The following MAP1A variants were observed in gnomAD, a reference collection of about 807,000 sequenced individuals.
MAP1A encodes the protein microtubule associated protein 1A.
Under a neutral mutation model 185.9 loss-of-function variants are expected in MAP1A, and 42 were observed. That is an observed-to-expected ratio of 0.23 (90% CI 0.18 to 0.29). The LOEUF is 0.29. Among genes scored for constraint, MAP1A ranks in the 10% least tolerant of loss-of-function variants. The pLI is 1.00. For missense variants in MAP1A, 2,995 were observed against 3,450.4 expected, an observed-to-expected ratio of 0.87 and a Z score of 3.31; for synonymous variants, 1,229 against 1,335.9, an observed-to-expected ratio of 0.92 and a Z score of 1.74.
rs1253978465 is a variant in MAP1A at position 43,525,929 on chromosome 15, G to C, written c.4456G>C (p.Glu1486Gln). ...CTTGGAACAAAAGGACAGGGTCCTA[G>C]AACAGAAGGAGAAGATCCCAGAAGA... The part of the protein sequence containing the change: ...KDLEQKDRVL[E>Q]QKEKIPEEKD... The change falls in exon 4 of 6, where the codon GAA (glutamate) becomes CAA (glutamine). Residue 1486 changes from glutamate to glutamine, a missense_variant. Glu to Gln is a conservative substitution (Grantham distance 29, BLOSUM62 2). Coordinates refer to ENST00000300231, the MANE Select transcript of MAP1A (RefSeq NM_002373.6). 6.2e-7 allele frequency: 1 copy of C among 1,613,864 alleles called. No individual in the cohort carries two copies. The highest frequency in any genetic ancestry group is 1.3e-5 in the African/African-American group (1 of 74,932).
In MAP1A at chr15:43,527,325, C is replaced by T. The variant is rs768903001; in HGVS notation, c.5852C>T (p.Pro1951Leu). 2.0e-5 allele frequency: 33 copies of T among 1,613,918 alleles called. No homozygotes were observed. The East Asian group carries it at 5.6e-4, about 27-fold the overall frequency. ...ACCACGGAGCCTGAGCAGACTGAGCCGGAGCAGAGAGAGCCCACACCCTAT... is the reference window on the plus strand; with the variant it reads ...ACCACGGAGCCTGAGCAGACTGAGCTGGAGCAGAGAGAGCCCACACCCTAT... The part of the protein sequence containing the change: ...HATTEPEQTE[P>L]EQREPTPYPD... Residue 1951 changes from proline to leucine, a missense_variant, in exon 4 of 6, where the codon CCG (proline) becomes CTG (leucine). Physicochemically the swap from Pro to Leu is moderately conservative, Grantham distance 98. Transcript: ENST00000300231.
At position 43,524,478 on chromosome 15, in the gene MAP1A, C is replaced by T. The variant is rs1326398963; in HGVS notation, c.3005C>T (p.Pro1002Leu). The T allele has an allele frequency of 6.2e-7, 1 of 1,614,156 alleles. No individual in the cohort carries two copies. Among genetic ancestry groups the T allele is most frequent in the South Asian group, 1.1e-5 (1 of 91,084 alleles). Residue 1002 changes from proline (P) to leucine (L), a missense_variant, in exon 4 of 6, where the codon CCA becomes CTA. Physicochemically the swap from Pro to Leu is moderately conservative, Grantham distance 98 (BLOSUM62 -3). This residue lies in a region of MAP1A where 2,728 missense variants were observed against 2,986.0 expected (regional missense o/e 0.91). Transcript: ENST00000300231. ...ATGGCTTCTCCTCCACCATCTGGCCCACCCAGTGCCACCCACACACCCTTT... is the reference window on the plus strand; with the variant it reads ...ATGGCTTCTCCTCCACCATCTGGCCTACCCAGTGCCACCCACACACCCTTT... ...VKMASPPPSG[P>L]PSATHTPFHQ...
At chr15:43,512,100 C>G in intron 1 of MAP1A, 1 of 748,550 alleles carries the variant, frequency 1.3e-6, no homozygotes, top group Non-Finnish European at 2.4e-6. Flanking sequence ...CCTCTCCTTA[C>G]CTGTTCTGTG....
rs188889809 is a variant in MAP1A at position 43,521,379 on chromosome 15, C to G, written c.-95C>G. The G allele has an allele frequency of 9.8e-4, 1,575 of 1,613,746 alleles. No homozygotes were observed. Among genetic ancestry groups the G allele is most frequent in the Admixed American group, 1.4e-3 (86 of 60,022 alleles). Reference sequence around the variant, plus strand: ...GGGATACAGGCCTTCCTTACCGTGTCCTGCTTAGGGGAAGGTGATTGGAGC... The same window carrying G: ...GGGATACAGGCCTTCCTTACCGTGTGCTGCTTAGGGGAAGGTGATTGGAGC... On this transcript the variant is annotated 5_prime_UTR_variant, in exon 4 of 6. Coordinates refer to ENST00000300231, the MANE Select transcript of MAP1A (RefSeq NM_002373.6). This position sits in a 1 kb window ranked among gnomAD's most constrained non-coding sequence, Gnocchi z 4.6.
Position 43,521,288 on chromosome 15 carries a change from G to C in MAP1A, c.-150-36G>C. ...TCTAAGTCAGACCAAAACAACTCTA[G>C]TGACCTGATCAGGTTTCTATCTCCT... On this transcript the variant is annotated intron_variant, in intron 3 of 5. Coordinates refer to ENST00000300231, the MANE Select transcript of MAP1A (RefSeq NM_002373.6). The surrounding 1 kb of genome is among the most constrained non-coding windows in gnomAD (Gnocchi z 4.6). 6.5e-7 allele frequency: 1 copy of C among 1,545,754 alleles called. No individual in the cohort carries two copies. The highest frequency in any genetic ancestry group is 8.7e-7 in the Non-Finnish European group (1 of 1,148,256).
chr15:43,521,242 G>A lies in MAP1A; in HGVS notation c.-150-82G>A. On this transcript the variant is annotated intron_variant, in intron 3 of 5. Transcript: ENST00000300231. This position sits in a 1 kb window ranked among gnomAD's most constrained non-coding sequence, Gnocchi z 4.6. The stretch of plus-strand genomic sequence containing the variant: ...AAGGTAAGAGTCCACCTTGGAAAGA[G>A]GTGAAGATTAGGGTACTGAATCTAA... The A allele has an allele frequency of 2.0e-6, 3 of 1,482,130 alleles. No individual in the cohort carries two copies. Among genetic ancestry groups the A allele is most frequent in the Non-Finnish European group, 1.8e-6 (2 of 1,120,620 alleles). 91.8% of individuals were successfully genotyped at this position (1,482,130 alleles called of 1,614,324 possible).
rs1245149939 is a variant in MAP1A, at chr15:43,523,610, A to C, written c.2137A>C (p.Lys713Gln). The change falls in exon 4 of 6, where the codon AAG (lysine) becomes CAG (glutamine). Residue 713 changes from lysine (K) to glutamine (Q), a missense_variant. Lys to Gln is a moderately conservative substitution (Grantham distance 53, BLOSUM62 1). Around this residue, in one of 3 missense-constraint regions of MAP1A, gnomAD observed 2,728 missense variants for 2,986.0 expected, o/e 0.91. Coordinates refer to ENST00000300231, the MANE Select transcript of MAP1A (RefSeq NM_002373.6). ...ELGLQGKAPE[K>Q]ETSLFLSSLT... is the part of the protein sequence containing the mutation. Reference sequence around the variant, plus strand: ...GGGACTCCAGGGCAAGGCCCCTGAGAAGGAGACCTCGTTATTCCTAAGCAG... The same window carrying C: ...GGGACTCCAGGGCAAGGCCCCTGAGCAGGAGACCTCGTTATTCCTAAGCAG... 7 of 1,614,148 alleles carry C rather than the reference A, an allele frequency of 4.3e-6. No homozygotes were observed. In the South Asian group the frequency reaches 7.7e-5, roughly 18 times the overall value.
chr15:43,527,961 T>C lies in MAP1A; in HGVS notation c.6488T>C (p.Phe2163Ser). The change falls in exon 4 of 6, where the codon TTC becomes TCC. Residue 2163 changes from phenylalanine (F) to serine (S), a missense_variant. This residue lies in a region of MAP1A where 2,728 missense variants were observed against 2,986.0 expected (regional missense o/e 0.91). Coordinates refer to ENST00000300231, the MANE Select transcript of MAP1A (RefSeq NM_002373.6). ...GGGCCTGCCCGACCCAGTCTGGACT[T>C]CCCTGCTTCAGCCTTTGGCTTCTCC... ...HLGPARPSLD[F>S]PASAFGFSSL... is the part of the protein sequence containing the mutation. The C allele has an allele frequency of 6.2e-7, 1 of 1,614,074 alleles. No individual in the cohort carries two copies. Among genetic ancestry groups the C allele is most frequent in the Non-Finnish European group, 8.5e-7 (1 of 1,180,028 alleles).
At position 43,529,701 on chromosome 15, in the gene MAP1A, C is replaced by T; in HGVS notation, c.8087C>T (p.Ala2696Val). 1 of 1,613,796 alleles carries T rather than the reference C, an allele frequency of 6.2e-7. No individual in the cohort carries two copies. Among genetic ancestry groups the T allele is most frequent in the South Asian group, 1.1e-5 (1 of 91,058 alleles). The change falls in exon 5 of 6, where the codon GCC becomes GTC. Residue 2696 changes from alanine to valine, a missense_variant. Around this residue, in one of 3 missense-constraint regions of MAP1A, gnomAD observed 2,728 missense variants for 2,986.0 expected, o/e 0.91. Coordinates refer to ENST00000300231, the MANE Select transcript of MAP1A (RefSeq NM_002373.6). The surrounding 1 kb of genome is among the most constrained non-coding windows in gnomAD (Gnocchi z 4.3). ...GGTGCCCCTGTATATGTGGATCTCG[C>T]CTACATCCCGAATCATTGCAGTGGC... ...SSGAPVYVDL[A>V]YIPNHCSGKT... is the part of the protein sequence containing the mutation.
Position 43,526,396 on chromosome 15 carries a change from G to C in MAP1A, c.4923G>C (p.Trp1641Cys). The C allele has an allele frequency of 1.2e-6, 2 of 1,614,212 alleles. No homozygotes were observed. Among genetic ancestry groups the C allele is most frequent in the Non-Finnish European group, 1.7e-6 (2 of 1,180,034 alleles). ...CCAGAGAGCAGGAAGAAAAGTACTG[G>C]AGGGGGCAGGATGTGGTCCAGGAGT... ...GRAREQEEKY[W>C]RGQDVVQEWQ... Residue 1641 changes from tryptophan (W) to cysteine (C), a missense_variant, in exon 4 of 6, where the codon TGG becomes TGC. By Grantham distance (215) the Trp-to-Cys change is radical. Coordinates refer to ENST00000300231, the MANE Select transcript of MAP1A (RefSeq NM_002373.6). This position sits in a 1 kb window ranked among gnomAD's most constrained non-coding sequence, Gnocchi z 4.7.
intron 1 of MAP1A, among the ~76,000 whole-genome samples, chr15:43,518,134 T>C (rs1470226336): frequency 6.6e-6 from 1 of 152,090 alleles, no homozygotes; most frequent in African/African-American, 2.4e-5. Context: ...GCTGCTCCTA[T>C]GCTGGGGGTG....
rs2079371306 is a variant in MAP1A, at chr15:43,531,475, G to A, written c.*1251G>A. The A allele has an allele frequency of 6.5e-6, 1 of 152,690 alleles. No homozygotes were observed. Among genetic ancestry groups the A allele is most frequent in the African/African-American group, 2.4e-5 (1 of 41,420 alleles). 9.5% of individuals were successfully genotyped at this position (152,690 alleles called of 1,614,324 possible). On this transcript the variant is annotated 3_prime_UTR_variant, in exon 6 of 6. Transcript: ENST00000300231. ...TGCCAAACGACTGGGAAACCAAAATGAGCCCACCTTGTGTTCTTCCTAGCT... is the reference window on the plus strand; with the variant it reads ...TGCCAAACGACTGGGAAACCAAAATAAGCCCACCTTGTGTTCTTCCTAGCT...
Position 43,525,691 on chromosome 15 carries a change from G to T in MAP1A, c.4218G>T (p.Lys1406Asn). The T allele has an allele frequency of 1.2e-6, 2 of 1,614,114 alleles. No homozygotes were observed. Among genetic ancestry groups the T allele is most frequent in the Admixed American group, 3.3e-5 (2 of 59,986 alleles). Residue 1406 changes from lysine to asparagine, a missense_variant, in exon 4 of 6, where the codon AAG becomes AAT. Physicochemically the swap from Lys to Asn is moderately conservative, Grantham distance 94. Around this residue, in one of 3 missense-constraint regions of MAP1A, gnomAD observed 2,728 missense variants for 2,986.0 expected, o/e 0.91. Coordinates refer to ENST00000300231, the MANE Select transcript of MAP1A (RefSeq NM_002373.6). ...VKNEAVKQQD[K>N]ALEQKGRDLE... Reference sequence around the variant, plus strand: ...ATGAGGCTGTGAAACAGCAGGATAAGGCTTTAGAACAAAAGGGCAGAGACT... The same window carrying T: ...ATGAGGCTGTGAAACAGCAGGATAATGCTTTAGAACAAAAGGGCAGAGACT...
rs749714427 is a variant in MAP1A, at chr15:43,523,468, C to T, written c.1995C>T (p.His665=). Residue 665 remains histidine, a synonymous_variant, in exon 4 of 6, where the codon CAC becomes CAT. Coordinates refer to ENST00000300231, the MANE Select transcript of MAP1A (RefSeq NM_002373.6). ...AGTTAGAAGAAATGGAGGAGGTACACCCTTCAGATGAGGAGGAAGAGGACG... is the reference window on the plus strand; with the variant it reads ...AGTTAGAAGAAATGGAGGAGGTACATCCTTCAGATGAGGAGGAAGAGGACG... ...KAELEEMEEV[H]PSDEEEEDAT... is the part of the protein sequence containing the mutation. 1 of 1,613,934 alleles carries T rather than the reference C, an allele frequency of 6.2e-7. No homozygotes were observed. Among genetic ancestry groups the T allele is most frequent in the South Asian group, 1.1e-5 (1 of 91,052 alleles).
chr15:43,522,270 T>G lies in MAP1A; in HGVS notation c.797T>G (p.Leu266Arg), dbSNP rs1380697971. The change falls in exon 4 of 6, where the codon CTT becomes CGT. Residue 266 changes from leucine (L) to arginine (R), a missense_variant. Leu to Arg is a moderately radical substitution (Grantham distance 102). This residue lies in a region of MAP1A where 264 missense variants were observed against 435.3 expected (regional missense o/e 0.61). Transcript: ENST00000300231. The surrounding 1 kb of genome is among the most constrained non-coding windows in gnomAD (Gnocchi z 5.9). ...CCCACTGAGAAGATTGTGCGTGTGC[T>G]TTTTCCAGGAAATGCTCCCCAAAAC... ...ANPTEKIVRV[L>R]FPGNAPQNKI... 1 of 1,613,992 alleles carries G rather than the reference T, an allele frequency of 6.2e-7. No homozygotes were observed. Among genetic ancestry groups the G allele is most frequent in the Non-Finnish European group, 8.5e-7 (1 of 1,180,014 alleles).
rs779821498 is a variant in MAP1A, at chr15:43,521,903, C to A, written c.430C>A (p.Arg144=). Residue 144 remains arginine (R), a synonymous_variant, in exon 4 of 6, where the codon CGG becomes AGG. Coordinates refer to ENST00000300231, the MANE Select transcript of MAP1A (RefSeq NM_002373.6). This position sits in a 1 kb window ranked among gnomAD's most constrained non-coding sequence, Gnocchi z 4.6. ...VVFFNVPEKL[R]LPDASRKAKR... ...CTTTTTCAACGTGCCTGAGAAGCTGCGGCTTCCTGATGCCTCCCGGAAAGC... is the reference window on the plus strand; with the variant it reads ...CTTTTTCAACGTGCCTGAGAAGCTGAGGCTTCCTGATGCCTCCCGGAAAGC... 1 of 1,614,016 alleles carries A rather than the reference C, an allele frequency of 6.2e-7. No individual in the cohort carries two copies. The highest frequency in any genetic ancestry group is 8.5e-7 in the Non-Finnish European group (1 of 1,180,012).
At chr15:43,515,024 T>G (rs2079292998), upstream of MAP1A, among the ~76,000 whole-genome samples, 2 of 152,094 alleles carry the variant, frequency 1.3e-5, no homozygotes, top group South Asian at 4.1e-4. Context: ...GAGACCAGCC[T>G]GGACAACATG....
intron 1 of MAP1A, 75 bp downstream of exon 1, chr15:43,517,775 G>A: frequency 2.4e-6 from 1 of 417,386 alleles, no homozygotes; most frequent in Non-Finnish European, 3.2e-6. Context: ...TCATGGAAAG[G>A]GTGCTGGTAC....
Position 43,528,196 on chromosome 15 carries a change from CCCTCT to C in MAP1A, c.6731_6735del (p.Leu2244GlnfsTer12). On this transcript the variant is annotated frameshift_variant, in exon 4 of 6. Coordinates refer to ENST00000300231, the MANE Select transcript of MAP1A (RefSeq NM_002373.6). LOFTEE classifies it high-confidence loss of function. ...TCCCATCACCCAGTTCTCCTGGGGCCCCTCTCCTCTCCAATCTGCCACGACCTGCC... is the reference window on the plus strand; with the variant it reads ...TCCCATCACCCAGTTCTCCTGGGGCCCCTCTCCAATCTGCCACGACCTGCC... The C allele has an allele frequency of 6.2e-7, 1 of 1,614,124 alleles. No individual in the cohort carries two copies. Among genetic ancestry groups the C allele is most frequent in the Non-Finnish European group, 8.5e-7 (1 of 1,180,020 alleles).
Sources: allele counts gnomAD v4.1 joint callset (sites outside exome capture counted in the v4.1 genomes callset), GRCh38; gene constraint gnomAD v4.1.1; regional missense constraint gnomAD v4.1.1; non-coding constraint Gnocchi (gnomAD v3.1); transcripts MANE v1.5; gene names NCBI Gene and HGNC (gene_info 2026-07-23, HGNC 2026-07-21).